The following BPTF variants were observed in gnomAD, a reference collection of about 807,000 sequenced individuals.
The protein encoded by BPTF is nucleosome-remodeling factor subunit BPTF.
BPTF carries 18 observed loss-of-function variants against 292.5 expected under a neutral mutation model. The ratio of observed to expected loss-of-function variants is 0.06; its 90% CI spans 0.04 to 0.09. BPTF has a LOEUF of 0.09. Among genes scored for constraint, BPTF ranks in the 10% least tolerant of loss-of-function variants. BPTF has a pLI of 1.00. For missense variants in BPTF, 2,726 were observed against 3,498.7 expected, an observed-to-expected ratio of 0.78 and a Z score of 5.57; for synonymous variants, 1,225 against 1,251.9, an observed-to-expected ratio of 0.98 and a Z score of 0.45.
chr17:67,909,479 CAT>C (rs986103951), intron 9 of BPTF, 101 bp from the exon 10 acceptor site: 1 of 659,230 alleles, frequency 1.5e-6, no homozygotes, highest in Non-Finnish European at 2.2e-6. Flanking sequence ...AAAAATGAAA[CAT>C]AACTTGCTGG....
Position 67,982,473 on chromosome 17 carries a change from C to A in BPTF, c.*185C>A. On this transcript the variant is annotated 3_prime_UTR_variant, in exon 28 of 28. Transcript: ENST00000306378. Reference sequence around the variant, plus strand: ...TTTTGTCCAACGGACAAGAAAAAAGCAAAGTCAACGACACCATTATCTTGT... The same window carrying A: ...TTTTGTCCAACGGACAAGAAAAAAGAAAAGTCAACGACACCATTATCTTGT... The A allele has an allele frequency of 2.1e-6, 1 of 472,918 alleles. No homozygotes were observed. The allele number at this position is 472,918 out of a possible 1,614,324, so 29.3% of individuals were successfully genotyped here. A position where few individuals can be genotyped will look rare whatever the true frequency, so the allele number is the denominator to read the frequency against.
intron 1 of BPTF, among the ~76,000 whole-genome samples, chr17:67,827,850 G>A (rs542848239): frequency 6.6e-6 from 1 of 152,212 alleles, no homozygotes; most frequent in African/African-American, 2.4e-5. Context: ...GTGAATGAAG[G>A]GAATGAATCA....
At chr17:67,929,235 A>G in intron 16 of BPTF, 101 bp from the exon 17 acceptor site, 2 of 1,527,358 alleles carry the variant, frequency 1.3e-6, no homozygotes, top group Non-Finnish European at 1.8e-6. Context: ...GTAGCCCACT[A>G]TAAAACCCTG....
chr17:67,943,488 T>C (rs2065556825), intron 19 of BPTF, among the ~76,000 whole-genome samples: 1 of 152,152 alleles, frequency 6.6e-6, no homozygotes, highest in Non-Finnish European at 1.5e-5. Context: ...TGGACCCCTT[T>C]TTGGTAACTG....
At chr17:67,921,209 CAAAAAAAAAAAAAAA>C (rs60707445) in intron 13 of BPTF, among the ~76,000 whole-genome samples, 18 of 49,228 alleles carry the variant, frequency 3.7e-4, no homozygotes, top group Non-Finnish European at 3.6e-4. Context: ...GAATCCGTGT[CAAAAAAAAAAAAAAA>C]AAAAAAAAAA....
intron 21 of BPTF, among the ~76,000 whole-genome samples, chr17:67,946,782 T>C (rs1348065725): frequency 6.6e-6 from 1 of 152,148 alleles, no homozygotes; most frequent in Non-Finnish European, 1.5e-5. Context: ...TGAAAACATA[T>C]TATTTCATAG....
chr17:67,933,246 G>C (rs1017082630), intron 18 of BPTF, among the ~76,000 whole-genome samples: 2 of 150,154 alleles, frequency 1.3e-5, no homozygotes, highest in African/African-American at 4.9e-5. Context: ...CAAAAAGAGT[G>C]AGACTCCGTC....
chr17:67,953,669 A>G (rs2148134416), intron 23 of BPTF, among the ~76,000 whole-genome samples: 1 of 144,230 alleles, frequency 6.9e-6, no homozygotes, highest in African/African-American at 2.6e-5. Flanking sequence ...TCCACCTCCC[A>G]GGTTGAAGCA....
chr17:67,958,471 T>TAC (rs1555681969), intron 23 of BPTF, among the ~76,000 whole-genome samples: 1 of 152,166 alleles, frequency 6.6e-6, no homozygotes, highest in Admixed American at 6.5e-5. Flanking sequence ...CTCACACCTG[T>TAC]AATCCCAGGA....
intron 18 of BPTF, among the ~76,000 whole-genome samples, chr17:67,934,466 C>T (rs568011971): frequency 4.0e-5 from 6 of 150,632 alleles, no homozygotes; most frequent in Non-Finnish European, 7.4e-5. Flanking sequence ...TTGCAGTGAG[C>T]GGAGATTGCA....
intron 1 of BPTF, among the ~76,000 whole-genome samples, chr17:67,847,811 C>T (rs1220670733): frequency 1.3e-5 from 2 of 152,070 alleles, no homozygotes; most frequent in African/African-American, 2.4e-5. Context: ...TCAGTAATAA[C>T]GTTAATGCTA....
chr17:67,973,051 ATTT>A (rs1165515313), intron 26 of BPTF, among the ~76,000 whole-genome samples: 1 of 144,256 alleles, frequency 6.9e-6, no homozygotes, highest in Non-Finnish European at 1.5e-5. Flanking sequence ...ATATATATAT[ATTT>A]TATATATATA....
chr17:67,954,637 A>G (rs1280508349), intron 23 of BPTF, among the ~76,000 whole-genome samples: 1 of 152,110 alleles, frequency 6.6e-6, no homozygotes, highest in Non-Finnish European at 1.5e-5. Flanking sequence ...TTCCATTGAG[A>G]TTGTTGTAAC....
At position 67,912,833 on chromosome 17, in the gene BPTF, A is replaced by G; in HGVS notation, c.4949A>G (p.Lys1650Arg). The change falls in exon 11 of 28, where the codon AAG (lysine) becomes AGG (arginine). Residue 1650 changes from lysine (K) to arginine (R), a missense_variant. Coordinates refer to ENST00000306378, the MANE Select transcript of BPTF (RefSeq NM_182641.4). ...TGGSVDIISV[K>R]EQSKTVVTTT... is the part of the protein sequence containing the mutation. ...GGCAGTGTGGACATCATCTCTGTAAAGGAGCAGAGCAAAACCGTGGTCACC... is the reference window on the plus strand; with the variant it reads ...GGCAGTGTGGACATCATCTCTGTAAGGGAGCAGAGCAAAACCGTGGTCACC... The G allele has an allele frequency of 6.2e-7, 1 of 1,614,196 alleles. No homozygotes were observed. Among genetic ancestry groups the G allele is most frequent in the Non-Finnish European group, 8.5e-7 (1 of 1,180,026 alleles).
intron 11 of BPTF, among the ~76,000 whole-genome samples, chr17:67,918,461 A>G (rs1042954814): frequency 3.3e-5 from 5 of 152,220 alleles, no homozygotes; most frequent in Admixed American, 1.3e-4. Context: ...CTCATTTTAT[A>G]AACTTATATG....
intron 1 of BPTF, among the ~76,000 whole-genome samples, chr17:67,834,585 A>G (rs1416920661): frequency 1.3e-5 from 2 of 152,056 alleles, no homozygotes; most frequent in Admixed American, 1.3e-4. Context: ...CTTTATATTC[A>G]TGTATTTTGA....
intron 23 of BPTF, among the ~76,000 whole-genome samples, chr17:67,954,155 G>A (rs1319468165): frequency 8.5e-6 from 1 of 117,456 alleles, no homozygotes; most frequent in African/African-American, 2.7e-5. Context: ...ATGCCACCCT[G>A]TCTGGCTAAT....
chr17:67,855,917 C>G (rs1474811896), intron 2 of BPTF, among the ~76,000 whole-genome samples: 1 of 152,200 alleles, frequency 6.6e-6, no homozygotes, highest in Non-Finnish European at 1.5e-5. Context: ...TGGAAGCTTA[C>G]GGAATCTTCG....
At chr17:67,855,706 T>A (rs755926801) in intron 2 of BPTF, among the ~76,000 whole-genome samples, 2 of 152,178 alleles carry the variant, frequency 1.3e-5, no homozygotes, top group African/African-American at 4.8e-5. Context: ...CCTGTAGATA[T>A]ATGGTCAGAG....
Sources: allele counts gnomAD v4.1 joint callset (sites outside exome capture counted in the v4.1 genomes callset), GRCh38; gene constraint gnomAD v4.1.1; transcripts MANE v1.5; gene names NCBI Gene and HGNC (gene_info 2026-07-23, HGNC 2026-07-21).